Variants in MDGA2 observed in about 807,000 individuals in gnomAD.
MDGA2 encodes the protein MAM domain containing glycosylphosphatidylinositol anchor 2, also known as MAM domain-containing glycosylphosphatidylinositol anchor protein 2.
A neutral mutation model predicts 117.8 loss-of-function variants in MDGA2; 40 were observed. The observed-to-expected ratio is 0.34, with a 90% CI of 0.26 to 0.44. The LOEUF is 0.44. Among genes scored for constraint, MDGA2 ranks in the 20% least tolerant of loss-of-function variants. The pLI, the probability that MDGA2 is intolerant of heterozygous loss-of-function variation, is 1.00. For synonymous variants in MDGA2, 452 were observed against 439.0 expected, an observed-to-expected ratio of 1.03 and a Z score of -0.37; for missense variants, 1,123 against 1,250.6, an observed-to-expected ratio of 0.90 and a Z score of 1.54.
At chr14:47,085,785 G>A (rs1011095325) in intron 6 of MDGA2, among the ~76,000 whole-genome samples, 2 of 151,932 alleles carry the variant, frequency 1.3e-5, no homozygotes, top group African/African-American at 2.4e-5. Context: ...ATGTAAAAAT[G>A]TTTATTCCTA....
chr14:47,422,528 A>T (rs1892600739), intron 1 of MDGA2, among the ~76,000 whole-genome samples: 1 of 152,214 alleles, frequency 6.6e-6, no homozygotes, highest in African/African-American at 2.4e-5. Context: ...TCAAGTGAAA[A>T]AGCTTAAATT....
At chr14:47,143,543 C>T (rs1882812931) in intron 4 of MDGA2, among the ~76,000 whole-genome samples, 1 of 152,100 alleles carries the variant, frequency 6.6e-6, no homozygotes, top group Non-Finnish European at 1.5e-5. Flanking sequence ...TTATTAAATA[C>T]ATTTTTAATG....
chr14:47,245,617 C>T (rs1209495842), intron 2 of MDGA2, among the ~76,000 whole-genome samples: 1 of 151,500 alleles, frequency 6.6e-6, no homozygotes, highest in Non-Finnish European at 1.5e-5. Flanking sequence ...TCTGTCCTGA[C>T]CACAGAAAAT....
At chr14:47,458,004 C>T (rs1203432980) in intron 1 of MDGA2, among the ~76,000 whole-genome samples, 1 of 97,250 alleles carries the variant, frequency 1.0e-5, no homozygotes, top group Non-Finnish European at 2.3e-5. Context: ...ATGTCTTCCC[C>T]ATATTTTTTT....
At chr14:46,864,104 G>C (rs947666204) in intron 14 of MDGA2, among the ~76,000 whole-genome samples, 2 of 119,310 alleles carry the variant, frequency 1.7e-5, no homozygotes, top group Non-Finnish European at 3.2e-5. Flanking sequence ...AAAAGCCAAA[G>C]CTAATTAATA....
chr14:46,878,188 G>A (rs188913760), intron 11 of MDGA2, among the ~76,000 whole-genome samples: 2 of 151,834 alleles, frequency 1.3e-5, no homozygotes. Flanking sequence ...CAATACAAGT[G>A]CCAATGAATT....
intron 1 of MDGA2, among the ~76,000 whole-genome samples, chr14:47,336,653 A>G (rs1210931781): frequency 6.6e-6 from 1 of 151,946 alleles, no homozygotes; most frequent in African/African-American, 2.4e-5. Flanking sequence ...TTGAGGAAAG[A>G]GCTTTTACAT....
chr14:47,073,299 G>A (rs370130398), intron 6 of MDGA2, among the ~76,000 whole-genome samples: 1 of 152,178 alleles, frequency 6.6e-6, no homozygotes, highest in Non-Finnish European at 1.5e-5. Flanking sequence ...ACAGTGAAGA[G>A]CAAGTATTCT....
At chr14:47,507,711 C>T (rs1372062155) in intron 1 of MDGA2, among the ~76,000 whole-genome samples, 1 of 152,132 alleles carries the variant, frequency 6.6e-6, no homozygotes, top group African/African-American at 2.4e-5. Flanking sequence ...AGAATTCCTC[C>T]CAGATAATAC....
chr14:47,603,953 C>G (rs919969500), intron 1 of MDGA2, among the ~76,000 whole-genome samples: 4 of 152,194 alleles, frequency 2.6e-5, no homozygotes, highest in African/African-American at 9.7e-5. Flanking sequence ...CCTGCTCCCT[C>G]TTCACCTTCC....
At chr14:46,987,890 T>C (rs1886920712) in intron 8 of MDGA2, among the ~76,000 whole-genome samples, 1 of 148,208 alleles carries the variant, frequency 6.7e-6, no homozygotes, top group African/African-American at 2.5e-5. Flanking sequence ...AAGGGAACTA[T>C]ATATGCCAAA....
intron 6 of MDGA2, among the ~76,000 whole-genome samples, chr14:47,093,967 AT>A (rs1330830472): frequency 6.6e-6 from 1 of 151,970 alleles, no homozygotes; most frequent in Non-Finnish European, 1.5e-5. Context: ...CCATGACACA[AT>A]TAATCTAAGA....
chr14:47,414,146 T>G (rs753828067), intron 1 of MDGA2, among the ~76,000 whole-genome samples: 9 of 152,154 alleles, frequency 5.9e-5, no homozygotes, highest in Non-Finnish European at 1.0e-4. Flanking sequence ...AACTCTGCTG[T>G]GAAATTGAGT....
At chr14:47,166,967 G>A (rs1243686468) in intron 3 of MDGA2, among the ~76,000 whole-genome samples, 1 of 152,086 alleles carries the variant, frequency 6.6e-6, no homozygotes, top group Non-Finnish European at 1.5e-5. Flanking sequence ...CAAGTATCCG[G>A]CACATAGAAT....
intron 3 of MDGA2, among the ~76,000 whole-genome samples, chr14:47,190,687 G>A (rs1258965706): frequency 6.6e-6 from 1 of 151,846 alleles, no homozygotes; most frequent in African/African-American, 2.4e-5. Flanking sequence ...TAAATTATTC[G>A]GTATTTTTCT....
At chr14:47,509,289 C>G (rs1164423977) in intron 1 of MDGA2, among the ~76,000 whole-genome samples, 2 of 152,022 alleles carry the variant, frequency 1.3e-5, no homozygotes, top group Non-Finnish European at 2.9e-5. Context: ...TTTGTAAAAC[C>G]CTTGAAATGT....
intron 8 of MDGA2, among the ~76,000 whole-genome samples, chr14:46,965,276 C>T (rs2138299736): frequency 6.6e-6 from 1 of 151,806 alleles, no homozygotes; most frequent in Non-Finnish European, 1.5e-5. Context: ...AAGTATCCGA[C>T]TTAATGAATT....
At chr14:47,167,243 T>A (rs921555173) in intron 3 of MDGA2, among the ~76,000 whole-genome samples, 2 of 152,182 alleles carry the variant, frequency 1.3e-5, no homozygotes, top group Non-Finnish European at 2.9e-5. Context: ...TAAAACAAAT[T>A]CTCATTAAAG....
At chr14:47,236,025 T>C (rs17118227) in intron 2 of MDGA2, among the ~76,000 whole-genome samples, 1 of 151,874 alleles carries the variant, frequency 6.6e-6, no homozygotes, top group African/African-American at 2.4e-5. Context: ...CAAAAAACAC[T>C]GTGGGGCCTG....
Sources: allele counts gnomAD v4.1 joint callset (sites outside exome capture counted in the v4.1 genomes callset), GRCh38; gene constraint gnomAD v4.1.1; transcripts MANE v1.5; gene names NCBI Gene and HGNC (gene_info 2026-07-23, HGNC 2026-07-21).